The following CELF2 variants were observed in gnomAD, a reference collection of about 807,000 sequenced individuals.
CELF2 encodes the protein CUG triplet repeat RNA-binding protein 2.
A neutral mutation model predicts 62.6 loss-of-function variants in CELF2; 8 were observed. The observed-to-expected ratio is 0.13, with a 90% CI of 0.07 to 0.23. The LOEUF is 0.23. Ranked by LOEUF, CELF2 falls within the 10% of genes least tolerant of loss-of-function variation. The pLI, the probability that CELF2 is intolerant of heterozygous loss-of-function variation, is 1.00. For synonymous variants in CELF2, 258 were observed against 250.0 expected (o/e 1.03, Z -0.30); for missense variants, 333 against 671.0 (o/e 0.50, Z 5.56).
At chr10:10,563,387 G>C in the CELF2 span, among the ~76,000 whole-genome samples, 5 of 152,180 alleles carry the variant, frequency 3.3e-5, no homozygotes, top group South Asian at 1.0e-3. Context: ...GAGGTGAGTG[G>C]ATCACTTGAG....
chr10:10,617,233 C>T, the CELF2 span, among the ~76,000 whole-genome samples: 2 of 152,270 alleles, frequency 1.3e-5, no homozygotes, highest in South Asian at 4.1e-4. Flanking sequence ...GAAAGTCAGG[C>T]TTGTGTGGAA....
Position 11,157,388 on chromosome 10 carries a change from C to CCT in CELF2, c.75-8097_75-8096insTC, listed in dbSNP as rs2064719983. On this transcript the variant is annotated intron_variant, in intron 1 of 12. Coordinates refer to ENST00000633077, the MANE Select transcript of CELF2 (RefSeq NM_001326342.2). The surrounding 1 kb of genome is among the most constrained non-coding windows in gnomAD (Gnocchi z 4.9). ...GTCTTTTGACTTTGATATCCGCCCT[C>CCT]CCCCCACACACACACACACAAAAAT... Among the ~76,000 whole-genome samples the CCT allele has an allele frequency of 8.3e-6, 1 of 120,866 alleles. No homozygotes were observed. The highest frequency in any genetic ancestry group is 1.7e-5 in the Non-Finnish European group (1 of 59,244). The allele number at this position is 120,866 out of a possible 152,430, so 79.3% of individuals were successfully genotyped here.
At chr10:10,734,948 A>T in the CELF2 span, among the ~76,000 whole-genome samples, 2 of 152,294 alleles carry the variant, frequency 1.3e-5, no homozygotes, top group Middle Eastern at 6.8e-3. Flanking sequence ...GTGGATGAAG[A>T]GTCCTGAAGC....
chr10:10,484,837 A>C, the CELF2 span, among the ~76,000 whole-genome samples: 6 of 152,340 alleles, frequency 3.9e-5, no homozygotes, highest in African/African-American at 1.4e-4. Context: ...ATTAGGCAGT[A>C]TATCTACCAT....
At chr10:10,603,033 A>T in the CELF2 span, among the ~76,000 whole-genome samples, 7 of 152,232 alleles carry the variant, frequency 4.6e-5, no homozygotes, top group African/African-American at 1.7e-4. Context: ...TTTGGATTTC[A>T]TTTGTAACTT....
intron 1 of CELF2, among the ~76,000 whole-genome samples, chr10:10,918,123 A>G (rs540924021): frequency 3.6e-4 from 55 of 152,382 alleles, no homozygotes; most frequent in African/African-American, 1.3e-3. Context: ...ATAAATATTT[A>G]TTGAGTGTAT....
the CELF2 span, among the ~76,000 whole-genome samples, chr10:10,549,951 G>A: frequency 8.5e-5 from 13 of 152,176 alleles, no homozygotes; most frequent in East Asian, 2.5e-3. Flanking sequence ...AGGGGTGAGG[G>A]AGGCAGGATT....
At chr10:11,295,001 T>C (rs969739999) in intron 9 of CELF2, among the ~76,000 whole-genome samples, 1 of 150,724 alleles carries the variant, frequency 6.6e-6, no homozygotes, top group African/African-American at 2.4e-5. Flanking sequence ...TACACTCTTA[T>C]TGCTGCAGTA....
rs552957379 is a variant in CELF2 at position 11,297,872 on chromosome 10, C to T, written c.976+9320C>T. Among the ~76,000 whole-genome samples, 83 of 152,086 alleles carry T rather than the reference C, an allele frequency of 5.5e-4. No homozygotes were observed. The highest frequency in any genetic ancestry group is 3.4e-3 in the Middle Eastern group (1 of 292). On this transcript the variant is annotated intron_variant, in intron 9 of 12. Transcript: ENST00000633077. This position sits in a 1 kb window ranked among gnomAD's most constrained non-coding sequence, Gnocchi z 4.4. ...GGTGCACACCTGTGGTTCCCAGCTA[C>T]TCGGGAGGCTGAGGCAGGAAAATGA...
intron 1 of CELF2, among the ~76,000 whole-genome samples, chr10:10,896,626 C>T (rs2062572593): frequency 6.6e-6 from 1 of 152,034 alleles, no homozygotes; most frequent in Admixed American, 6.6e-5. Flanking sequence ...GAGGCGGAGA[C>T]TCTAGAGATG....
chr10:10,563,974 A>G, the CELF2 span, among the ~76,000 whole-genome samples: 3 of 152,178 alleles, frequency 2.0e-5, no homozygotes, highest in Non-Finnish European at 4.4e-5. Context: ...GTGTGGCTCA[A>G]AGTTTGAGGC....
rs2076473993 is a variant in CELF2 at position 11,249,329 on chromosome 10, ATCT to A, written c.403+132_403+134del. The A allele has an allele frequency of 4.2e-6, 3 of 719,844 alleles. No individual in the cohort carries two copies. In the South Asian group the frequency reaches 4.8e-5, roughly 12 times the overall value. 44.6% of individuals were successfully genotyped at this position (719,844 alleles called of 1,614,324 possible). ...GAGGACAGAGAGCGCTGCTCCTGGAATCTTCTCTGTGGCCTGTGTGTCTGGAGT... is the reference window on the plus strand; with the variant it reads ...GAGGACAGAGAGCGCTGCTCCTGGAATCTCTGTGGCCTGTGTGTCTGGAGT... On this transcript the variant is annotated intron_variant, in intron 4 of 12. Coordinates refer to ENST00000633077, the MANE Select transcript of CELF2 (RefSeq NM_001326342.2).
intron 1 of CELF2, among the ~76,000 whole-genome samples, chr10:10,845,000 A>G (rs958765727): frequency 2.6e-5 from 4 of 152,186 alleles, no homozygotes; most frequent in South Asian, 2.1e-4. Context: ...TGTGAGAAAC[A>G]GTAAGGTTTT....
chr10:11,024,497 A>G (rs1175852442), intron 1 of CELF2, among the ~76,000 whole-genome samples: 1 of 152,006 alleles, frequency 6.6e-6, no homozygotes, highest in Non-Finnish European at 1.5e-5. Context: ...CTTACTTGGG[A>G]GGCTGAGGGG....
intron 2 of CELF2, among the ~76,000 whole-genome samples, chr10:11,176,715 C>T (rs533759659): frequency 1.3e-5 from 2 of 152,318 alleles, no homozygotes; most frequent in Non-Finnish European, 2.9e-5. Flanking sequence ...CAGATGTTCT[C>T]TCTGCCACAG....
At chr10:10,601,684 A>G in the CELF2 span, among the ~76,000 whole-genome samples, 1 of 151,564 alleles carries the variant, frequency 6.6e-6, no homozygotes, top group Admixed American at 6.6e-5. Context: ...CTATATTTGC[A>G]TTCTCTCAAT....
At chr10:11,133,755 G>A (rs2059972206) in intron 1 of CELF2, among the ~76,000 whole-genome samples, 1 of 152,132 alleles carries the variant, frequency 6.6e-6, no homozygotes, top group Admixed American at 6.6e-5. Context: ...TATCACCTTG[G>A]CCTGACTTTG....
chr10:10,615,027 G>T, the CELF2 span, among the ~76,000 whole-genome samples: 1 of 152,016 alleles, frequency 6.6e-6, no homozygotes, highest in African/African-American at 2.4e-5. Context: ...GTACAGTTTG[G>T]TCGGTCTGGC....
chr10:10,763,787 T>C, the CELF2 span, among the ~76,000 whole-genome samples: 12 of 152,090 alleles, frequency 7.9e-5, no homozygotes, highest in Non-Finnish European at 1.6e-4. Context: ...AAATGCAAAA[T>C]TGGAAGAGCC....
Sources: gnomAD v4.1 joint callset for allele counts (sites outside exome capture counted in the v4.1 genomes callset) on GRCh38, gnomAD v4.1.1 for gene constraint, Gnocchi (gnomAD v3.1) non-coding constraint, MANE v1.5 for transcripts, NCBI Gene and HGNC (gene_info 2026-07-23, HGNC 2026-07-21) for gene names.